The following PCDH7 variants were observed in gnomAD, a reference collection of about 807,000 sequenced individuals.
PCDH7 encodes protocadherin 7.
Under a neutral mutation model 58.9 loss-of-function variants are expected in PCDH7, and 17 were observed. The ratio of observed to expected loss-of-function variants is 0.29; its 90% CI spans 0.20 to 0.43. The LOEUF (loss-of-function observed/expected upper bound fraction) is 0.43, where lower values mean the gene tolerates loss of function less well. PCDH7 is among the 20% of genes least tolerant of loss of function. The pLI, the probability that PCDH7 is intolerant of heterozygous loss-of-function variation, is 1.00. For missense variants in PCDH7, 1,274 were observed against 1,441.0 expected (o/e 0.88, Z 1.88); for synonymous variants, 664 against 616.4 (o/e 1.08, Z -1.14).
In PCDH7 at chr4:30,721,491, C is replaced by T. The variant is rs1345766442; in HGVS notation, c.69C>T (p.Leu23=). ...TGGGCTGCTGCCTCCTCCTGCCGCT[C>T]TCGCTCAGCCTGGCGGCCGCCAAGC... is the stretch of plus-strand genomic sequence containing the variant. The change falls in exon 1 of 2, where the codon CTC becomes CTT. Residue 23 remains leucine (L), a synonymous_variant. Transcript: ENST00000361762. The surrounding 1 kb of genome is among the most constrained non-coding windows in gnomAD (Gnocchi z 6.7). The T allele has an allele frequency of 2.5e-6, 4 of 1,594,764 alleles. No individual in the cohort carries two copies. In the African/African-American group the frequency reaches 4.0e-5, roughly 16 times the overall value.
At position 30,977,464 on chromosome 4, in the gene PCDH7, G is replaced by A. The variant is rs186215987; in HGVS notation, c.*7+27249G>A. On this transcript the variant is annotated intron_variant, in intron 3 of 3. Transcript: ENST00000509759. ...AGACCAACCTCAGTCATCAATGGAA[G>A]ACTTTCTTCTGGAGGCAAAATAAGA... Among the ~76,000 whole-genome samples, 272 of 152,258 alleles carry A rather than the reference G, an allele frequency of 1.8e-3. 6 individuals are homozygous for A. The highest frequency in any genetic ancestry group is 0.017 in the Admixed American group (264 of 15,290).
chr4:31,015,135 T>A (rs1381599403), intron 3 of PCDH7, among the ~76,000 whole-genome samples: 1 of 152,218 alleles, frequency 6.6e-6, no homozygotes, highest in Non-Finnish European at 1.5e-5. Context: ...CCCTCCAGAC[T>A]TGGCAATGAG....
At chr4:31,033,660 A>G (rs895123411) in intron 3 of PCDH7, among the ~76,000 whole-genome samples, 5 of 152,166 alleles carry the variant, frequency 3.3e-5, no homozygotes, top group African/African-American at 1.2e-4. Context: ...CATTACAGGC[A>G]TTACCCGACA....
intron 3 of PCDH7, among the ~76,000 whole-genome samples, chr4:30,999,544 G>A (rs560253736): frequency 2.4e-4 from 37 of 152,206 alleles, no homozygotes; most frequent in Middle Eastern, 3.4e-3. Context: ...GCCTCATATA[G>A]TTTCCTGGAG....
intron 1 of PCDH7, among the ~76,000 whole-genome samples, chr4:30,913,480 G>GA (rs1396928601): frequency 3.3e-5 from 5 of 152,096 alleles, no homozygotes; most frequent in South Asian, 4.2e-4. Flanking sequence ...CTCTCTGTGT[G>GA]GAGAGCGGGA....
At chr4:30,990,242 T>C (rs1275609879) in intron 3 of PCDH7, among the ~76,000 whole-genome samples, 1 of 151,606 alleles carries the variant, frequency 6.6e-6, no homozygotes, top group African/African-American at 2.4e-5. Context: ...CTCAAAGAAA[T>C]TGAACAATGT....
At chr4:30,876,521 G>C (rs1366636157) in intron 1 of PCDH7, among the ~76,000 whole-genome samples, 1 of 151,948 alleles carries the variant, frequency 6.6e-6, no homozygotes, top group East Asian at 1.9e-4. Context: ...CATTTGGAAG[G>C]ATACTTTGTT....
intron 1 of PCDH7, among the ~76,000 whole-genome samples, chr4:30,807,562 C>A (rs900197530): frequency 2.0e-5 from 3 of 152,086 alleles, no homozygotes; most frequent in Admixed American, 2.0e-4. Flanking sequence ...TCTTACTCAG[C>A]AAATGTAAAA....
intron 1 of PCDH7, among the ~76,000 whole-genome samples, chr4:30,876,614 G>A (rs1289126490): frequency 6.6e-6 from 1 of 151,938 alleles, no homozygotes; most frequent in Non-Finnish European, 1.5e-5. Context: ...AAATACTTTA[G>A]ACCTCAGGGA....
chr4:31,120,487 G>A (rs1194193457), intron 3 of PCDH7, among the ~76,000 whole-genome samples: 2 of 108,578 alleles, frequency 1.8e-5, no homozygotes, highest in South Asian at 5.5e-4. Context: ...TCTCCTGTAT[G>A]TTCACTGAAA....
chr4:30,852,198 A>G (rs901276018), intron 1 of PCDH7, among the ~76,000 whole-genome samples: 45 of 152,120 alleles, frequency 3.0e-4, no homozygotes, highest in African/African-American at 1.1e-3. Flanking sequence ...TTAAGAGACT[A>G]TGACAAAATA....
At chr4:31,075,775 C>CT in intron 3 of PCDH7, among the ~76,000 whole-genome samples, 1 of 152,254 alleles carries the variant, frequency 6.6e-6, no homozygotes, top group Admixed American at 6.5e-5. Flanking sequence ...TTATCAATAA[C>CT]TTTTTCAATC....
At chr4:30,756,410 A>AGAT (rs564259177) in intron 1 of PCDH7, among the ~76,000 whole-genome samples, 98 of 152,300 alleles carry the variant, frequency 6.4e-4, no homozygotes, top group Admixed American at 2.7e-3. Flanking sequence ...CCCACCCGGA[A>AGAT]GATGAGGAAA....
intron 3 of PCDH7, among the ~76,000 whole-genome samples, chr4:31,063,024 T>C (rs1021145996): frequency 6.6e-6 from 1 of 151,878 alleles, no homozygotes; most frequent in Non-Finnish European, 1.5e-5. Flanking sequence ...GTATATGTGC[T>C]AAATTAATCT....
At chr4:30,924,654 G>T (rs1743611569) in intron 2 of PCDH7, among the ~76,000 whole-genome samples, 1 of 152,056 alleles carries the variant, frequency 6.6e-6, no homozygotes, top group Admixed American at 6.6e-5. Context: ...AGACAGCTGT[G>T]GAGCCTCCTT....
intron 3 of PCDH7, among the ~76,000 whole-genome samples, chr4:30,969,473 A>G (rs552792174): frequency 1.1e-4 from 16 of 152,346 alleles, no homozygotes; most frequent in African/African-American, 3.8e-4. Context: ...AAATGAAGCA[A>G]CGTTTGGTTC....
chr4:31,117,171 C>T (rs202082274), intron 3 of PCDH7, among the ~76,000 whole-genome samples: 5 of 152,192 alleles, frequency 3.3e-5, no homozygotes, highest in East Asian at 3.9e-4. Context: ...CATGAGCCAC[C>T]GCTCCCGGCC....
chr4:30,917,619 A>C (rs186084844), intron 1 of PCDH7, among the ~76,000 whole-genome samples: 143 of 152,098 alleles, frequency 9.4e-4, no homozygotes, highest in African/African-American at 3.3e-3. Flanking sequence ...TAAATAGATA[A>C]AAATATTTTA....
At chr4:31,108,502 A>G (rs540568523) in intron 3 of PCDH7, among the ~76,000 whole-genome samples, 21 of 152,124 alleles carry the variant, frequency 1.4e-4, no homozygotes, top group Non-Finnish European at 2.5e-4. Flanking sequence ...TAATTCGATG[A>G]ATCAGTGTTT....
Sources: gnomAD v4.1 joint callset for allele counts (sites outside exome capture counted in the v4.1 genomes callset) on GRCh38, gnomAD v4.1.1 for gene constraint, Gnocchi (gnomAD v3.1) non-coding constraint, MANE v1.5 for transcripts, NCBI Gene and HGNC (gene_info 2026-07-23, HGNC 2026-07-21) for gene names.